Variants in PPP2R5E observed in about 807,000 individuals in gnomAD.
PPP2R5E encodes protein phosphatase 2 regulatory subunit B'epsilon.
In PPP2R5E, 4 loss-of-function variants were observed where a neutral mutation model predicts 65.3. The ratio of observed to expected loss-of-function variants is 0.06; its 90% CI spans 0.03 to 0.14. PPP2R5E has a LOEUF of 0.14. Among genes scored for constraint, PPP2R5E ranks in the 10% least tolerant of loss-of-function variants. The pLI is 1.00. For missense variants in PPP2R5E, 274 were observed against 556.1 expected (o/e 0.49, Z 5.10); for synonymous variants, 183 against 187.4 (o/e 0.98, Z 0.19).
At position 63,424,750 on chromosome 14, in the gene PPP2R5E, C is replaced by CAA. The variant is rs1171991957; in HGVS notation, c.355-2658_355-2657dup. Among the ~76,000 whole-genome samples, 709 of 85,610 alleles carry CAA rather than the reference C, an allele frequency of 8.3e-3. 3 individuals carry two copies. Among genetic ancestry groups the CAA allele is most frequent in the Middle Eastern group, 9.8e-3 (1 of 102 alleles). 56.2% of individuals were successfully genotyped at this position (85,610 alleles called of 152,430 possible). ...TGGGCAACAGAGCCAGGCTCCATCT[C>CAA]AAAAAAAAAAAAAAAGACAGAAAGG... On this transcript the variant is annotated intron_variant, in intron 3 of 13. Transcript: ENST00000337537.
At chr14:63,394,432 T>C (rs1443022382) in intron 7 of PPP2R5E, among the ~76,000 whole-genome samples, 7 of 152,316 alleles carry the variant, frequency 4.6e-5, no homozygotes, top group Admixed American at 3.9e-4. Flanking sequence ...GAAGGAAATT[T>C]AAGAGAAGAA....
intron 2 of PPP2R5E, among the ~76,000 whole-genome samples, chr14:63,538,762 T>G (rs1486903307): frequency 6.6e-6 from 1 of 151,378 alleles, no homozygotes; most frequent in Non-Finnish European, 1.5e-5. Context: ...CTGACCAACA[T>G]GGTGAAACCC....
chr14:63,489,780 G>A (rs914629261), intron 2 of PPP2R5E, among the ~76,000 whole-genome samples: 7 of 148,714 alleles, frequency 4.7e-5, no homozygotes, highest in Non-Finnish European at 9.0e-5. Flanking sequence ...TTTCTATCAT[G>A]GTATGTCAGA....
At chr14:63,455,986 C>G (rs1393597622) in intron 2 of PPP2R5E, among the ~76,000 whole-genome samples, 2 of 152,254 alleles carry the variant, frequency 1.3e-5, no homozygotes, top group East Asian at 3.9e-4. Flanking sequence ...AGGCTGGTCT[C>G]AAACTCCTGA....
intron 3 of PPP2R5E, among the ~76,000 whole-genome samples, chr14:63,446,595 C>G (rs933262490): frequency 5.3e-5 from 8 of 151,792 alleles, no homozygotes; most frequent in African/African-American, 1.9e-4. Context: ...TTTGGGAGGC[C>G]GAGGCGGGTG....
Position 63,412,565 on chromosome 14 carries a change from G to A in PPP2R5E, c.549+2575C>T, listed in dbSNP as rs141238292. Among the ~76,000 whole-genome samples, 46 of 152,068 alleles carry A rather than the reference G, an allele frequency of 3.0e-4. No individual in the cohort carries two copies. The East Asian group carries it at 8.5e-3, about 28-fold the overall frequency. On this transcript the variant is annotated intron_variant, in intron 5 of 13. Transcript: ENST00000337537. ...GCTTCAAAACTAACAAATGAGAGAA[G>A]GTTGACAGAACGAAGAACTCGGTCT...
intron 2 of PPP2R5E, among the ~76,000 whole-genome samples, chr14:63,531,813 T>C (rs1297264459): frequency 5.9e-5 from 9 of 151,838 alleles, no homozygotes; most frequent in Non-Finnish European, 1.3e-4. Flanking sequence ...ATTAACTGGG[T>C]GTGGTGGCGC....
At chr14:63,501,365 A>C (rs1299309765) in intron 2 of PPP2R5E, among the ~76,000 whole-genome samples, 1 of 151,310 alleles carries the variant, frequency 6.6e-6, no homozygotes, top group Non-Finnish European at 1.5e-5. Context: ...ATACAGTGCC[A>C]CTGCACTCCA....
chr14:63,408,025 C>T (rs1202935156), intron 5 of PPP2R5E, among the ~76,000 whole-genome samples: 1 of 152,222 alleles, frequency 6.6e-6, no homozygotes, highest in Non-Finnish European at 1.5e-5. Context: ...GACAAAAATA[C>T]TAACATTATT....
intron 3 of PPP2R5E, among the ~76,000 whole-genome samples, chr14:63,431,412 A>G (rs1283051727): frequency 6.6e-6 from 1 of 152,202 alleles, no homozygotes; most frequent in Non-Finnish European, 1.5e-5. Flanking sequence ...TGTATTTGCT[A>G]TGTAATGTCA....
intron 2 of PPP2R5E, among the ~76,000 whole-genome samples, chr14:63,526,528 C>T (rs1893192309): frequency 6.6e-6 from 1 of 150,980 alleles, no homozygotes; most frequent in South Asian, 2.1e-4. Flanking sequence ...CTTTCTCTTT[C>T]TCTCTCTCTC....
At chr14:63,395,309 G>A in intron 6 of PPP2R5E, 24 bp from the exon 7 acceptor site, 2 of 1,512,392 alleles carry the variant, frequency 1.3e-6, no homozygotes, top group East Asian at 2.3e-5. Flanking sequence ...AGAAAAGGGA[G>A]GAGAAAGGAG....
intron 3 of PPP2R5E, among the ~76,000 whole-genome samples, chr14:63,439,697 C>T (rs1237386791): frequency 6.6e-6 from 1 of 152,136 alleles, no homozygotes; most frequent in East Asian, 1.9e-4. Flanking sequence ...TTTGTCTATG[C>T]CACTGACCCA....
chr14:63,462,393 G>A (rs1889532163), intron 2 of PPP2R5E, among the ~76,000 whole-genome samples: 1 of 152,058 alleles, frequency 6.6e-6, no homozygotes, highest in Admixed American at 6.6e-5. Context: ...CATCATAAAA[G>A]CTGAGAAGAT....
intron 3 of PPP2R5E, among the ~76,000 whole-genome samples, chr14:63,432,193 A>C (rs1207503559): frequency 6.6e-6 from 1 of 151,988 alleles, no homozygotes; most frequent in Non-Finnish European, 1.5e-5. Context: ...TATTTCCTGC[A>C]TCAAGTATTT....
chr14:63,390,640 T>C (rs1566668278), intron 10 of PPP2R5E, among the ~76,000 whole-genome samples: 1 of 152,178 alleles, frequency 6.6e-6, no homozygotes, highest in Non-Finnish European at 1.5e-5. Context: ...TTAAATGACT[T>C]TCTGAAATTA....
intron 2 of PPP2R5E, among the ~76,000 whole-genome samples, chr14:63,521,367 A>G (rs1892900759): frequency 6.6e-6 from 1 of 152,202 alleles, no homozygotes; most frequent in South Asian, 2.1e-4. Flanking sequence ...ACGGGTTACT[A>G]TTAAAAACAC....
chr14:63,485,425 T>G (rs191142146), intron 2 of PPP2R5E, among the ~76,000 whole-genome samples: 3,394 of 151,312 alleles, frequency 0.022, 74 homozygotes, highest in African/African-American at 0.061. Context: ...TTTTGGGGGG[T>G]TTTTTTGAGA....
chr14:63,534,991 T>C (rs982108336), intron 2 of PPP2R5E, among the ~76,000 whole-genome samples: 2 of 152,188 alleles, frequency 1.3e-5, no homozygotes, highest in African/African-American at 2.4e-5. Flanking sequence ...TAAATGTCTA[T>C]CTTTGCAAAG....
Sources: allele counts gnomAD v4.1 joint callset (sites outside exome capture counted in the v4.1 genomes callset), GRCh38; gene constraint gnomAD v4.1.1; transcripts MANE v1.5; gene names NCBI Gene and HGNC (gene_info 2026-07-23, HGNC 2026-07-21).